The following RHBDL3 variants were observed in gnomAD, a reference collection of about 807,000 sequenced individuals.
RHBDL3 encodes the protein rhomboid like 3.
Under a neutral mutation model 48.2 loss-of-function variants are expected in RHBDL3, and 28 were observed. That is an observed-to-expected ratio of 0.58 (90% CI 0.43 to 0.80). The LOEUF (loss-of-function observed/expected upper bound fraction) is 0.80. Among genes scored for constraint, RHBDL3 ranks in the 30% least tolerant of loss-of-function variants. The pLI is 0.00. For missense variants in RHBDL3, 464 were observed against 542.7 expected (o/e 0.85, Z 1.44); for synonymous variants, 208 against 232.3 (o/e 0.90, Z 0.95).
At chr17:32,271,193 T>C (rs1253592005) in intron 2 of RHBDL3, among the ~76,000 whole-genome samples, 1 of 152,232 alleles carries the variant, frequency 6.6e-6, no homozygotes, top group East Asian at 1.9e-4. Flanking sequence ...CCTACTACTT[T>C]TTCTATGATT....
At chr17:32,298,241 G>A in intron 6 of RHBDL3, 37 bp downstream of exon 6, 2 of 1,413,640 alleles carry the variant, frequency 1.4e-6, no homozygotes, top group Non-Finnish European at 2.0e-6. Context: ...AAGGCACACT[G>A]CCCCAGGGTG....
At chr17:32,285,314 C>T (rs573089808) in intron 3 of RHBDL3, among the ~76,000 whole-genome samples, 17 of 152,196 alleles carry the variant, frequency 1.1e-4, no homozygotes, top group Non-Finnish European at 1.9e-4. Context: ...TGCCCCACTC[C>T]TGTAGCTGAG....
At chr17:32,288,354 T>A (rs1597641218) in intron 3 of RHBDL3, 1 of 182,782 alleles carries the variant, frequency 5.5e-6, no homozygotes, top group East Asian at 1.3e-4. Context: ...CACCACCGTA[T>A]CCCTCCCTGT....
intron 4 of RHBDL3, 119 bp downstream of exon 4, chr17:32,289,135 G>T: frequency 2.6e-6 from 2 of 766,504 alleles, no homozygotes; most frequent in Non-Finnish European, 4.4e-6. Flanking sequence ...TTCCATTGAA[G>T]GGCAATGGTT....
At chr17:32,315,135 G>A (rs968378994) in intron 7 of RHBDL3, among the ~76,000 whole-genome samples, 4 of 152,236 alleles carry the variant, frequency 2.6e-5, no homozygotes, top group African/African-American at 9.6e-5. Flanking sequence ...CCAGTGTTCA[G>A]GGCCTCTGTA....
intron 6 of RHBDL3, among the ~76,000 whole-genome samples, chr17:32,304,115 C>T (rs2040653063): frequency 6.6e-6 from 1 of 152,180 alleles, no homozygotes; most frequent in East Asian, 1.9e-4. Context: ...CTTTTCTTTG[C>T]TCAGCTTCCC....
Position 32,316,297 on chromosome 17 carries a change from G to A in RHBDL3, c.943+5G>A, listed in dbSNP as rs779707213. 1 of 1,609,068 alleles carries A rather than the reference G, an allele frequency of 6.2e-7. No homozygotes were observed. The highest frequency in any genetic ancestry group is 1.7e-5 in the Admixed American group (1 of 59,992). ...TGGCTGTGGCCCTTATCTGTAGTAA[G>A]TACTGATGGGGCGCTGGGGAACCAA... On this transcript the variant is annotated splice_donor_5th_base_variant and intron_variant, in intron 8 of 8. Coordinates refer to ENST00000269051, the MANE Select transcript of RHBDL3 (RefSeq NM_138328.3).
At chr17:32,299,514 T>C (rs1022941880) in intron 6 of RHBDL3, among the ~76,000 whole-genome samples, 1 of 152,224 alleles carries the variant, frequency 6.6e-6, no homozygotes, top group Non-Finnish European at 1.5e-5. Flanking sequence ...CATCTGAGGA[T>C]TGATAGCCTC....
At chr17:32,314,898 T>C (rs2040934940) in intron 7 of RHBDL3, among the ~76,000 whole-genome samples, 1 of 152,220 alleles carries the variant, frequency 6.6e-6, no homozygotes, top group African/African-American at 2.4e-5. Context: ...ATCTGCTTCC[T>C]AGCATGGAAC....
chr17:32,302,531 G>GTATATATA (rs141019006), intron 6 of RHBDL3, among the ~76,000 whole-genome samples: 4 of 122,460 alleles, frequency 3.3e-5, no homozygotes, highest in East Asian at 4.0e-4. Flanking sequence ...GCTAATTTTT[G>GTATATATA]TATATATATA....
chr17:32,305,463 T>C (rs766951422), intron 7 of RHBDL3, 22 bp downstream of exon 7: 3 of 1,491,128 alleles, frequency 2.0e-6, no homozygotes, highest in South Asian at 1.1e-5. Flanking sequence ...CCGTTCTCAA[T>C]GTGTCTTTCT....
intron 7 of RHBDL3, among the ~76,000 whole-genome samples, chr17:32,311,033 G>A (rs2040837157): frequency 6.6e-6 from 1 of 152,202 alleles, no homozygotes; most frequent in Non-Finnish European, 1.5e-5. Flanking sequence ...GTTTCTACCA[G>A]GGATAGATAT....
chr17:32,299,534 A>G (rs2040534786), intron 6 of RHBDL3, among the ~76,000 whole-genome samples: 1 of 152,192 alleles, frequency 6.6e-6, no homozygotes, highest in African/African-American at 2.4e-5. Context: ...CATTTTCCAT[A>G]CCTCAATACC....
rs114436801 is a variant in RHBDL3, at chr17:32,306,107, C to T, written c.882+666C>T. 8.2e-3 allele frequency among the ~76,000 whole-genome samples: 1,247 copies of T among 152,234 alleles called. 12 individuals are homozygous for T. Among genetic ancestry groups the T allele is most frequent in the African/African-American group, 0.029 (1,184 of 41,522 alleles). On this transcript the variant is annotated intron_variant, in intron 7 of 8. Transcript: ENST00000269051. ...TTGTGGCAAAATGAGGGCTTAAACC[C>T]GTATCTCCTGACAACCATTCAAGAG...
chr17:32,302,736 T>G (rs959367431), intron 6 of RHBDL3, among the ~76,000 whole-genome samples: 7 of 152,022 alleles, frequency 4.6e-5, no homozygotes, highest in Admixed American at 6.6e-5. Flanking sequence ...GCCGTTACCT[T>G]TGAGGTTCCA....
chr17:32,301,640 G>A (rs1247879164), intron 6 of RHBDL3, among the ~76,000 whole-genome samples: 1 of 152,012 alleles, frequency 6.6e-6, no homozygotes, highest in Non-Finnish European at 1.5e-5. Flanking sequence ...GGCCAACATG[G>A]TGAAACCCTG....
At chr17:32,283,402 A>C (rs907733909) in intron 2 of RHBDL3, among the ~76,000 whole-genome samples, 1 of 147,450 alleles carries the variant, frequency 6.8e-6, no homozygotes, top group African/African-American at 2.5e-5. Context: ...GCTCACTGCA[A>C]GCTCCGCCTC....
At chr17:32,314,359 T>C (rs1001823696) in intron 7 of RHBDL3, among the ~76,000 whole-genome samples, 2 of 152,126 alleles carry the variant, frequency 1.3e-5, no homozygotes, top group Non-Finnish European at 2.9e-5. Flanking sequence ...ATAATGCTGC[T>C]ATGAACATGG....
At chr17:32,281,472 A>T (rs755455639) in intron 2 of RHBDL3, among the ~76,000 whole-genome samples, 1 of 151,890 alleles carries the variant, frequency 6.6e-6, no homozygotes, top group Non-Finnish European at 1.5e-5. Flanking sequence ...TGTGCCGCAG[A>T]CCAATGGCCC....
Sources: allele counts gnomAD v4.1 joint callset (sites outside exome capture counted in the v4.1 genomes callset), GRCh38; gene constraint gnomAD v4.1.1; transcripts MANE v1.5; gene names NCBI Gene and HGNC (gene_info 2026-07-23, HGNC 2026-07-21).